PRR16: variants seen among roughly 807,000 people sequenced by gnomAD.
The protein encoded by PRR16 is proline rich 16, also known as protein Largen.
PRR16 carries 6 observed loss-of-function variants against 18.2 expected under a neutral mutation model. That is an observed-to-expected ratio of 0.33 (90% CI 0.18 to 0.65). PRR16 has a LOEUF of 0.65. Ranked by LOEUF, PRR16 falls within the 30% of genes least tolerant of loss-of-function variation. PRR16 has a pLI of 0.74. For missense variants in PRR16, 412 were observed against 376.6 expected (o/e 1.09, Z -0.78); for synonymous variants, 151 against 147.8 (o/e 1.02, Z -0.16).
intron 1 of PRR16, among the ~76,000 whole-genome samples, chr5:120,671,661 TA>T (rs1422069445): frequency 1.3e-5 from 2 of 152,170 alleles, no homozygotes; most frequent in Non-Finnish European, 2.9e-5. Context: ...ATGTAAAAAG[TA>T]AAAACATGTC....
At chr5:120,780,776 C>T in the PRR16 span, among the ~76,000 whole-genome samples, 2 of 152,052 alleles carry the variant, frequency 1.3e-5, no homozygotes, top group African/African-American at 4.8e-5. Flanking sequence ...AATTTCCGGC[C>T]GGGCGGGCTC....
At chr5:120,500,867 T>G (rs1289822642) in intron 1 of PRR16, among the ~76,000 whole-genome samples, 3 of 152,080 alleles carry the variant, frequency 2.0e-5, no homozygotes, top group Non-Finnish European at 4.4e-5. Flanking sequence ...TCTTGCTATA[T>G]CCTATAAATT....
chr5:120,688,292 T>C (rs1413994561), downstream of PRR16, among the ~76,000 whole-genome samples: 1 of 152,200 alleles, frequency 6.6e-6, no homozygotes, highest in African/African-American at 2.4e-5. Context: ...CAGAATGTCA[T>C]GTTAAATATT....
At chr5:120,732,747 T>C in the PRR16 span, among the ~76,000 whole-genome samples, 5 of 152,300 alleles carry the variant, frequency 3.3e-5, no homozygotes, top group Non-Finnish European at 7.3e-5. Flanking sequence ...GAGGAGGTAC[T>C]GGTAGACCAG....
the PRR16 span, among the ~76,000 whole-genome samples, chr5:120,765,088 C>T: frequency 0.15 from 21,262 of 142,114 alleles, 1,824 homozygotes; most frequent in Non-Finnish European, 0.19. Flanking sequence ...ATTTTGATTT[C>T]AAATATGTAT....
intron 1 of PRR16, chr5:120,658,008 G>C (rs1756043452): frequency 6.6e-6 from 1 of 151,970 alleles, no homozygotes; most frequent in Admixed American, 6.6e-5. Context: ...GGGAATACTG[G>C]TGATGAGGTT....
intron 1 of PRR16, among the ~76,000 whole-genome samples, chr5:120,496,099 T>C (rs1157932291): frequency 6.6e-6 from 1 of 152,052 alleles, no homozygotes. Context: ...CTTTTTAATA[T>C]GGTTGATTAA....
In PRR16 at chr5:120,487,240, T is replaced by C. The variant is rs1198571781; in HGVS notation, c.159+22595T>C. ...TGAATCTATAAATTACCTTGGGCAG[T>C]ATGGCCATTTTGACGATATTGATTC... On this transcript the variant is annotated intron_variant, in intron 1 of 1. Coordinates refer to ENST00000407149, the MANE Select transcript of PRR16 (RefSeq NM_001300783.2). Among the ~76,000 whole-genome samples the C allele has an allele frequency of 3.3e-5, 5 of 152,348 alleles. No homozygotes were observed. The South Asian group carries it at 8.3e-4, about 25-fold the overall frequency.
At chr5:120,741,638 G>C in the PRR16 span, among the ~76,000 whole-genome samples, 3 of 152,062 alleles carry the variant, frequency 2.0e-5, no homozygotes, top group African/African-American at 7.2e-5. Context: ...ATCTCGCTCT[G>C]TTGCCCAGGA....
chr5:120,468,277 A>G (rs1749166082), intron 1 of PRR16, among the ~76,000 whole-genome samples: 1 of 152,198 alleles, frequency 6.6e-6, no homozygotes, highest in South Asian at 2.1e-4. Flanking sequence ...ACAGGAGATT[A>G]CATATTCAAA....
the PRR16 span, among the ~76,000 whole-genome samples, chr5:120,782,892 A>G: frequency 1.3e-5 from 2 of 152,192 alleles, no homozygotes; most frequent in Non-Finnish European, 2.9e-5. Context: ...TCAGGTGCTT[A>G]CTTTAGAAAA....
intron 1 of PRR16, among the ~76,000 whole-genome samples, chr5:120,681,065 T>G (rs920612639): frequency 6.6e-6 from 1 of 152,144 alleles, no homozygotes; most frequent in African/African-American, 2.4e-5. Flanking sequence ...AACTTTATAT[T>G]GTCTTTCTGT....
At chr5:120,614,856 A>G (rs1174215585) in intron 1 of PRR16, among the ~76,000 whole-genome samples, 1 of 152,160 alleles carries the variant, frequency 6.6e-6, no homozygotes, top group East Asian at 1.9e-4. Flanking sequence ...TCACTTTGCC[A>G]TGAGGAGGAA....
chr5:120,769,379 C>A, the PRR16 span, among the ~76,000 whole-genome samples: 85 of 151,848 alleles, frequency 5.6e-4, no homozygotes, highest in African/African-American at 1.9e-3. Flanking sequence ...AACATGAGAT[C>A]TACCCTCTTA....
intron 1 of PRR16, among the ~76,000 whole-genome samples, chr5:120,583,078 A>C (rs900853799): frequency 1.3e-5 from 2 of 152,226 alleles, no homozygotes; most frequent in Non-Finnish European, 2.9e-5. Flanking sequence ...TGCCTGGGCT[A>C]CCTTACAATA....
At chr5:120,783,789 G>A in the PRR16 span, among the ~76,000 whole-genome samples, 1 of 151,904 alleles carries the variant, frequency 6.6e-6, no homozygotes, top group Non-Finnish European at 1.5e-5. Context: ...TCACTCTACT[G>A]TGCTACCAAA....
chr5:120,653,780 C>T (rs1755872637), intron 1 of PRR16, among the ~76,000 whole-genome samples: 1 of 151,998 alleles, frequency 6.6e-6, no homozygotes, highest in African/African-American at 2.4e-5. Flanking sequence ...CCCTCTTGTG[C>T]CATACACCTC....
intron 1 of PRR16, among the ~76,000 whole-genome samples, chr5:120,641,759 G>A (rs1336968596): frequency 6.6e-6 from 1 of 152,074 alleles, no homozygotes; most frequent in Non-Finnish European, 1.5e-5. Flanking sequence ...TCCATATGCA[G>A]CTTCACCCTC....
chr5:120,643,618 A>G (rs1356820548), intron 1 of PRR16, among the ~76,000 whole-genome samples: 1 of 152,138 alleles, frequency 6.6e-6, no homozygotes, highest in Non-Finnish European at 1.5e-5. Flanking sequence ...ACATTGATTA[A>G]TTAGCCTTCA....
Sources: allele counts gnomAD v4.1 joint callset (sites outside exome capture counted in the v4.1 genomes callset), GRCh38; gene constraint gnomAD v4.1.1; transcripts MANE v1.5; gene names NCBI Gene and HGNC (gene_info 2026-07-23, HGNC 2026-07-21).